SOX5: variants seen among roughly 807,000 people sequenced by gnomAD.
SOX5 encodes the protein SRY-box transcription factor 5, also known as transcription factor SOX-5.
SOX5 carries 9 observed loss-of-function variants against 92.0 expected under a neutral mutation model. That is an observed-to-expected ratio of 0.10 (90% CI 0.06 to 0.17). The LOEUF is 0.17. Among genes scored for constraint, SOX5 ranks in the 10% least tolerant of loss-of-function variants. The pLI, the probability that SOX5 is intolerant of heterozygous loss-of-function variation, is 1.00. For missense variants in SOX5, 642 were observed against 944.5 expected, an observed-to-expected ratio of 0.68 and a Z score of 4.20; for synonymous variants, 344 against 336.3, an observed-to-expected ratio of 1.02 and a Z score of -0.25.
At chr12:24,140,392 G>A (rs565856406) in intron 4 of SOX5, among the ~76,000 whole-genome samples, 1 of 152,104 alleles carries the variant, frequency 6.6e-6, no homozygotes, top group East Asian at 1.9e-4. Flanking sequence ...ACAAATTAAG[G>A]GTGTAAATTT....
intron 4 of SOX5, among the ~76,000 whole-genome samples, chr12:24,181,034 T>G (rs553118014): frequency 1.5e-4 from 23 of 152,314 alleles, no homozygotes; most frequent in African/African-American, 5.3e-4. Context: ...TCTTATTGCA[T>G]GGTTCTCAAC....
chr12:24,033,833 C>T (rs1368399752), intron 4 of SOX5, among the ~76,000 whole-genome samples: 1 of 152,020 alleles, frequency 6.6e-6, no homozygotes, highest in Non-Finnish European at 1.5e-5. Flanking sequence ...CACAATGCTA[C>T]CTTACGCTAG....
intron 6 of SOX5, among the ~76,000 whole-genome samples, chr12:23,691,527 T>C (rs977813679): frequency 1.3e-5 from 2 of 152,210 alleles, no homozygotes; most frequent in African/African-American, 2.4e-5. Context: ...TGTGGGAAGA[T>C]TTTAAACCAC....
At chr12:24,113,155 A>T (rs918126398) in intron 4 of SOX5, among the ~76,000 whole-genome samples, 4 of 150,802 alleles carry the variant, frequency 2.7e-5, no homozygotes, top group Admixed American at 2.0e-4. Context: ...GAATTAATAT[A>T]TAATAAAATT....
At chr12:24,534,302 A>G (rs1951446916) in intron 1 of SOX5, among the ~76,000 whole-genome samples, 1 of 151,748 alleles carries the variant, frequency 6.6e-6, no homozygotes, top group Non-Finnish European at 1.5e-5. Context: ...GCAAGATCTC[A>G]GCAATCCCTC....
intron 4 of SOX5, among the ~76,000 whole-genome samples, chr12:24,189,689 C>T (rs901610095): frequency 1.3e-5 from 2 of 152,088 alleles, no homozygotes; most frequent in African/African-American, 4.8e-5. Context: ...CTAGTTCTTA[C>T]CCTCAGATCC....
At chr12:23,909,008 C>T (rs766099105) in intron 1 of SOX5, among the ~76,000 whole-genome samples, 6 of 151,714 alleles carry the variant, frequency 4.0e-5, no homozygotes, top group Non-Finnish European at 7.4e-5. Flanking sequence ...GTTCATACTG[C>T]CACTGTGGGC....
chr12:24,143,516 C>T (rs1447278023), intron 4 of SOX5, among the ~76,000 whole-genome samples: 2 of 152,012 alleles, frequency 1.3e-5, no homozygotes, highest in Non-Finnish European at 2.9e-5. Context: ...AGACCCAAAT[C>T]TAACTTCTAG....
At chr12:24,382,687 T>C (rs1269904173) in intron 1 of SOX5, among the ~76,000 whole-genome samples, 2 of 152,116 alleles carry the variant, frequency 1.3e-5, no homozygotes, top group African/African-American at 2.4e-5. Context: ...CAATGAGAAA[T>C]GATGGTGGCT....
intron 4 of SOX5, among the ~76,000 whole-genome samples, chr12:23,979,594 A>T (rs1006007035): frequency 2.6e-5 from 4 of 151,046 alleles, no homozygotes; most frequent in Non-Finnish European, 5.9e-5. Context: ...AGAAAATGTA[A>T]TCTTACATCT....
chr12:24,370,875 G>A (rs1190382285), intron 1 of SOX5, among the ~76,000 whole-genome samples: 1 of 152,150 alleles, frequency 6.6e-6, no homozygotes, highest in Non-Finnish European at 1.5e-5. Flanking sequence ...AAGTGCTTTG[G>A]TTGTTCCATG....
intron 3 of SOX5, among the ~76,000 whole-genome samples, chr12:23,821,087 T>G (rs2096105376): frequency 1.3e-5 from 2 of 152,192 alleles, no homozygotes; most frequent in Non-Finnish European, 2.9e-5. Context: ...GTTTGTGTCC[T>G]CTCTTATTTC....
chr12:23,778,816 C>T (rs1294472168), intron 3 of SOX5, among the ~76,000 whole-genome samples: 1 of 152,090 alleles, frequency 6.6e-6, no homozygotes, highest in Non-Finnish European at 1.5e-5. Context: ...AGTGGTGAGA[C>T]TCAAGGCCAA....
intron 6 of SOX5, among the ~76,000 whole-genome samples, chr12:23,683,330 T>C (rs1476147212): frequency 6.6e-6 from 1 of 151,862 alleles, no homozygotes; most frequent in Non-Finnish European, 1.5e-5. Flanking sequence ...TTTTAAAAAA[T>C]GAAATGGAAT....
intron 4 of SOX5, among the ~76,000 whole-genome samples, chr12:24,037,238 A>G (rs1337171236): frequency 6.6e-6 from 1 of 152,184 alleles, no homozygotes. Flanking sequence ...AATAACATAT[A>G]CACACATACA....
chr12:23,689,168 T>C (rs968524411), intron 6 of SOX5, among the ~76,000 whole-genome samples: 4 of 152,130 alleles, frequency 2.6e-5, no homozygotes, highest in African/African-American at 9.7e-5. Context: ...AATGCTTAAG[T>C]CGTCTTTGTT....
At chr12:24,331,632 G>A (rs1204406016) in intron 2 of SOX5, among the ~76,000 whole-genome samples, 6 of 151,710 alleles carry the variant, frequency 4.0e-5, no homozygotes, top group Non-Finnish European at 7.4e-5. Flanking sequence ...GGCAGATCAC[G>A]AGGTCAGGAA....
chr12:23,878,757 T>G (rs1393594674), intron 2 of SOX5, among the ~76,000 whole-genome samples: 1 of 152,136 alleles, frequency 6.6e-6, no homozygotes, highest in East Asian at 1.9e-4. Flanking sequence ...TCCTTAAATT[T>G]TCTGCTTTGT....
chr12:23,622,014 G>C (rs541782092), intron 8 of SOX5, among the ~76,000 whole-genome samples: 1 of 152,110 alleles, frequency 6.6e-6, no homozygotes, highest in Non-Finnish European at 1.5e-5. Flanking sequence ...ACCTTTGGAT[G>C]TGACAAGAGT....
Sources: allele counts gnomAD v4.1 joint callset (sites outside exome capture counted in the v4.1 genomes callset), GRCh38; gene constraint gnomAD v4.1.1; transcripts MANE v1.5; gene names NCBI Gene and HGNC (gene_info 2026-07-23, HGNC 2026-07-21).